The following FBXW11 variants were observed in gnomAD, a reference collection of about 807,000 sequenced individuals.
The protein encoded by FBXW11 is F-box and WD repeat domain containing 11.
In FBXW11, 19 loss-of-function variants were observed where a neutral mutation model predicts 77.6. The observed-to-expected ratio is 0.24, with a 90% CI of 0.17 to 0.36. The LOEUF is 0.36. FBXW11 is among the 10% of genes least tolerant of loss of function. The probability of loss-of-function intolerance (pLI) is 1.00; values close to 1 mark genes in which losing one functional copy is unlikely to be tolerated. For synonymous variants in FBXW11, 235 were observed against 249.4 expected (o/e 0.94, Z 0.54); for missense variants, 334 against 704.2 (o/e 0.47, Z 5.95).
intron 1 of FBXW11, among the ~76,000 whole-genome samples, chr5:171,967,079 C>G (rs886070543): frequency 6.6e-6 from 1 of 152,182 alleles, no homozygotes; most frequent in African/African-American, 2.4e-5. Flanking sequence ...CGTAGAGCAG[C>G]AAGTTTCCCT....
rs79020826 is a variant in FBXW11, at chr5:171,904,503, A to G, written c.437-4403T>C. 0.013 allele frequency among the ~76,000 whole-genome samples: 2,050 copies of G among 152,068 alleles called. 43 individuals carry two copies. Among genetic ancestry groups the G allele is most frequent in the African/African-American group, 0.047 (1,958 of 41,470 alleles). On this transcript the variant is annotated intron_variant, in intron 4 of 13. Transcript: ENST00000517395. This position sits in a 1 kb window ranked among gnomAD's most constrained non-coding sequence, Gnocchi z 4.0. ...ACAGCAAAAAGAAAAGATCCCCCCA[A>G]TCTTCTCCTGACCTACAAAATCAGA...
At chr5:171,920,746 T>TAC (rs1372087213) in intron 2 of FBXW11, among the ~76,000 whole-genome samples, 1 of 152,012 alleles carries the variant, frequency 6.6e-6, no homozygotes, top group Non-Finnish European at 1.5e-5. Context: ...TAACTGAAAA[T>TAC]ACATATAGTG....
At chr5:171,974,151 T>C (rs1014836347) in intron 1 of FBXW11, among the ~76,000 whole-genome samples, 9 of 152,124 alleles carry the variant, frequency 5.9e-5, no homozygotes, top group East Asian at 3.9e-4. Flanking sequence ...TGTAAAAACA[T>C]AGGTCAGGCA....
At chr5:171,948,247 A>C (rs527266645) in intron 2 of FBXW11, among the ~76,000 whole-genome samples, 9 of 151,906 alleles carry the variant, frequency 5.9e-5, no homozygotes, top group Non-Finnish European at 7.4e-5. Flanking sequence ...AAAAAAAAAA[A>C]AAAAAAACTG....
At chr5:171,954,048 C>CA (rs1763492470) in intron 2 of FBXW11, among the ~76,000 whole-genome samples, 1 of 152,194 alleles carries the variant, frequency 6.6e-6, no homozygotes. Context: ...TCCAAGCAAT[C>CA]AGTCCTACCC....
At chr5:171,963,378 A>T (rs1399225823) in intron 1 of FBXW11, among the ~76,000 whole-genome samples, 1 of 152,208 alleles carries the variant, frequency 6.6e-6, no homozygotes, top group Non-Finnish European at 1.5e-5. Context: ...GAAACATCCT[A>T]TGCAAGTATC....
chr5:171,917,809 TATTCA>T (rs1270605728), intron 2 of FBXW11, among the ~76,000 whole-genome samples: 1 of 150,092 alleles, frequency 6.7e-6, no homozygotes, highest in Non-Finnish European at 1.5e-5. Flanking sequence ...TAAATATATA[TATTCA>T]ATTCAGAGAT....
chr5:171,989,280 G>A (rs572782880), intron 1 of FBXW11, among the ~76,000 whole-genome samples: 1 of 152,320 alleles, frequency 6.6e-6, no homozygotes, highest in Non-Finnish European at 1.5e-5. Flanking sequence ...AATGAAACAG[G>A]GTATTTACAA....
chr5:171,873,687 A>G (rs1209774183), intron 9 of FBXW11, among the ~76,000 whole-genome samples: 3 of 152,230 alleles, frequency 2.0e-5, no homozygotes, highest in African/African-American at 7.2e-5. Flanking sequence ...CCTCTTTTCC[A>G]GCATATTTTC....
Position 171,862,402 on chromosome 5 carries a change from G to A in FBXW11, c.*1725C>T, listed in dbSNP as rs895626130. On this transcript the variant is annotated 3_prime_UTR_variant, in exon 14 of 14. Coordinates refer to ENST00000517395, the MANE Select transcript of FBXW11 (RefSeq NM_001378974.1). ...ATACACACACACTGATCCCCACACCGTTCTCAATGCAAAGGACAAATCAGA... is the reference window on the plus strand; with the variant it reads ...ATACACACACACTGATCCCCACACCATTCTCAATGCAAAGGACAAATCAGA... The A allele has an allele frequency of 3.5e-4, 49 of 140,848 alleles. No homozygotes were observed. The highest frequency in any genetic ancestry group is 3.2e-3 in the Middle Eastern group (1 of 314). 8.7% of individuals were successfully genotyped at this position (140,848 alleles called of 1,614,324 possible).
At chr5:171,898,442 G>A (rs1019930011) in intron 6 of FBXW11, among the ~76,000 whole-genome samples, 4 of 152,158 alleles carry the variant, frequency 2.6e-5, no homozygotes, top group African/African-American at 7.2e-5. Flanking sequence ...ACACATGAAC[G>A]ATATCAAACA....
Position 171,898,940 on chromosome 5 carries a change from G to A in FBXW11, c.714+64C>T, listed in dbSNP as rs1021339290. 13 of 1,071,356 alleles carry A rather than the reference G, an allele frequency of 1.2e-5. No homozygotes were observed. The Admixed American group carries it at 3.2e-4, about 27-fold the overall frequency. 66.4% of individuals were successfully genotyped at this position (1,071,356 alleles called of 1,614,324 possible). ...ATTTTAGACCAAAAGAACACTCTAA[G>A]GCAACATAAAAAGTTGAGAACAAGA... On this transcript the variant is annotated intron_variant, in intron 6 of 13. Transcript: ENST00000517395.
At chr5:171,948,363 T>C (rs1294747599) in intron 2 of FBXW11, among the ~76,000 whole-genome samples, 1 of 151,628 alleles carries the variant, frequency 6.6e-6, no homozygotes, top group African/African-American at 2.4e-5. Context: ...AGAACAGATA[T>C]TAAAGTGAAG....
chr5:171,895,690 G>C (rs1170861756), intron 6 of FBXW11, among the ~76,000 whole-genome samples: 1 of 152,154 alleles, frequency 6.6e-6, no homozygotes, highest in Non-Finnish European at 1.5e-5. Context: ...TAGACAATTG[G>C]GGGCACGCTA....
chr5:171,974,675 C>T (rs902726002), intron 1 of FBXW11, among the ~76,000 whole-genome samples: 4 of 152,090 alleles, frequency 2.6e-5, no homozygotes, highest in African/African-American at 9.7e-5. Context: ...GCTACGACTG[C>T]ACCTATAAAT....
intron 2 of FBXW11, among the ~76,000 whole-genome samples, chr5:171,915,648 T>TGTGTGTGTGTGTGTGTGTGTGTGA (rs1761180216): frequency 6.6e-6 from 1 of 150,964 alleles, no homozygotes; most frequent in South Asian, 2.1e-4. Context: ...TGTGTGTGTG[T>TGTGTGTGTGTGTGTGTGTGTGTGA]GTGAGCCTGA....
intron 1 of FBXW11, among the ~76,000 whole-genome samples, chr5:171,987,554 G>A (rs1561752056): frequency 6.6e-6 from 1 of 152,000 alleles, no homozygotes; most frequent in African/African-American, 2.4e-5. Flanking sequence ...GGGTTCAAGC[G>A]ATTCTCTTTG....
At chr5:171,980,748 T>C (rs1022389582) in intron 1 of FBXW11, among the ~76,000 whole-genome samples, 3 of 152,202 alleles carry the variant, frequency 2.0e-5, no homozygotes, top group African/African-American at 4.8e-5. Flanking sequence ...TACAACCACT[T>C]TGGGAAAAGA....
intron 2 of FBXW11, among the ~76,000 whole-genome samples, chr5:171,935,934 A>AC (rs1762451227): frequency 6.6e-6 from 1 of 151,764 alleles, no homozygotes; most frequent in Admixed American, 6.6e-5. Context: ...AATATGGTGA[A>AC]CCCCCATCTC....
Sources: gnomAD v4.1 joint callset for allele counts (sites outside exome capture counted in the v4.1 genomes callset) on GRCh38, gnomAD v4.1.1 for gene constraint, Gnocchi (gnomAD v3.1) non-coding constraint, MANE v1.5 for transcripts, NCBI Gene and HGNC (gene_info 2026-07-23, HGNC 2026-07-21) for gene names.